Variants in F13A1 observed in about 807,000 individuals in gnomAD.
The protein encoded by F13A1 is FSF, A subunit.
A neutral mutation model predicts 80.1 loss-of-function variants in F13A1; 47 were observed. The observed-to-expected ratio is 0.59, with a 90% CI of 0.46 to 0.75. The LOEUF (loss-of-function observed/expected upper bound fraction) is 0.75, where lower values mean the gene tolerates loss of function less well. Ranked by LOEUF, F13A1 falls within the 30% of genes least tolerant of loss-of-function variation. The pLI is 0.00. For synonymous variants in F13A1, 349 were observed against 344.9 expected (o/e 1.01, Z -0.13); for missense variants, 817 against 930.4 (o/e 0.88, Z 1.59).
intron 11 of F13A1, among the ~76,000 whole-genome samples, chr6:6,180,280 C>T (rs1760956879): frequency 6.6e-6 from 1 of 152,228 alleles, no homozygotes; most frequent in Admixed American, 6.5e-5. Flanking sequence ...CCCCAACTGC[C>T]GATTCTTGGC....
chr6:6,177,409 A>T (rs974543538), intron 11 of F13A1, among the ~76,000 whole-genome samples: 4 of 152,128 alleles, frequency 2.6e-5, no homozygotes, highest in African/African-American at 9.7e-5. Context: ...TTACTGTGTG[A>T]CATTATCTTC....
chr6:6,168,151 A>C (rs1174615318), intron 12 of F13A1, among the ~76,000 whole-genome samples: 1 of 152,220 alleles, frequency 6.6e-6, no homozygotes, highest in African/African-American at 2.4e-5. Context: ...TTTTCTATTT[A>C]AGAGAAGGAA....
chr6:6,277,712 C>T (rs1359487454), intron 3 of F13A1, among the ~76,000 whole-genome samples: 3 of 152,214 alleles, frequency 2.0e-5, no homozygotes, highest in Non-Finnish European at 4.4e-5. Context: ...CTGCACACTA[C>T]AATGCATTCC....
chr6:6,295,014 G>A (rs1397421618), intron 3 of F13A1, among the ~76,000 whole-genome samples: 11 of 146,306 alleles, frequency 7.5e-5, no homozygotes, highest in Non-Finnish European at 1.3e-4. Context: ...TTGTTCTTGC[G>A]ATAGTTTACT....
At chr6:6,316,078 CATATATATATATATATATATATATATAT>C (rs57716665) in intron 2 of F13A1, among the ~76,000 whole-genome samples, 973 of 34,938 alleles carry the variant, frequency 0.028, 39 homozygotes, top group Non-Finnish European at 0.032. Context: ...TGTGTGTGTG[CATATATATATATATATATATATATATAT>C]ATATATATAT....
intron 14 of F13A1, among the ~76,000 whole-genome samples, chr6:6,149,416 C>T (rs1760335512): frequency 6.6e-6 from 1 of 152,220 alleles, no homozygotes; most frequent in Non-Finnish European, 1.5e-5. Context: ...GGTCCTCACA[C>T]ATTCATTTGT....
At chr6:6,302,236 T>A (rs1476941585) in intron 3 of F13A1, among the ~76,000 whole-genome samples, 1 of 151,846 alleles carries the variant, frequency 6.6e-6, no homozygotes, top group African/African-American at 2.4e-5. Flanking sequence ...ACTTCCCTCA[T>A]AATTGCAGCA....
chr6:6,318,534 C>T lies in F13A1; in HGVS notation c.130+1G>A, dbSNP rs1758720297. ...GGTGGGGAAGGGGGGTATGCTCATA[C>T]CTTGCAGGTTGACGCCCCGGGGCAC... On this transcript the variant is annotated splice_donor_variant, in intron 2 of 14. Coordinates refer to ENST00000264870, the MANE Select transcript of F13A1 (RefSeq NM_000129.4). LOFTEE classifies it high-confidence loss of function. 5.0e-6 allele frequency: 8 copies of T among 1,612,998 alleles called. No individual in the cohort carries two copies. In the South Asian group the frequency reaches 7.7e-5, roughly 16 times the overall value.
At position 6,281,824 on chromosome 6, in the gene F13A1, T is replaced by A. The variant is rs147358923; in HGVS notation, c.320-15015A>T. ...CTGGCGAACTTGGTGAAACCCCGCC[T>A]CTACTAAAAATACAATAAATTAGCC... is the stretch of plus-strand genomic sequence containing the variant. On this transcript the variant is annotated intron_variant, in intron 3 of 14. Coordinates refer to ENST00000264870, the MANE Select transcript of F13A1 (RefSeq NM_000129.4). Among the ~76,000 whole-genome samples the A allele has an allele frequency of 7.0e-3, 1,069 of 151,850 alleles. 15 individuals carry two copies. Among genetic ancestry groups the A allele is most frequent in the African/African-American group, 0.024 (984 of 41,414 alleles).
intron 3 of F13A1, among the ~76,000 whole-genome samples, chr6:6,291,648 G>T (rs776124234): frequency 7.2e-5 from 11 of 152,084 alleles, no homozygotes; most frequent in Admixed American, 5.2e-4. Context: ...CACAACTCTC[G>T]TGGATTGAGT....
intron 3 of F13A1, among the ~76,000 whole-genome samples, chr6:6,302,314 G>C (rs1172889368): frequency 6.6e-6 from 1 of 152,162 alleles, no homozygotes; most frequent in Non-Finnish European, 1.5e-5. Flanking sequence ...TTGTTAGGCA[G>C]GTGATTTTGT....
chr6:6,150,358 T>C (rs1439827931), intron 14 of F13A1, among the ~76,000 whole-genome samples: 1 of 152,190 alleles, frequency 6.6e-6, no homozygotes, highest in East Asian at 1.9e-4. Flanking sequence ...CTAATTTACT[T>C]ATTTTTTTTT....
chr6:6,177,141 T>C (rs1052162983), intron 11 of F13A1, among the ~76,000 whole-genome samples: 2 of 152,164 alleles, frequency 1.3e-5, no homozygotes, highest in Non-Finnish European at 2.9e-5. Flanking sequence ...GAGAGACATA[T>C]CCAAAGCCAG....
At chr6:6,241,652 C>G (rs1383028325) in intron 6 of F13A1, among the ~76,000 whole-genome samples, 1 of 152,132 alleles carries the variant, frequency 6.6e-6, no homozygotes, top group Non-Finnish European at 1.5e-5. Context: ...GAGGTTTAAG[C>G]TGCTTTATAA....
chr6:6,190,482 T>C (rs35065604), intron 10 of F13A1, among the ~76,000 whole-genome samples: 13,267 of 131,634 alleles, frequency 0.1, 1,105 homozygotes, highest in Middle Eastern at 0.2. Flanking sequence ...AATACCCTGC[T>C]GTGTAAGGTG....
intron 3 of F13A1, among the ~76,000 whole-genome samples, chr6:6,293,703 GAAA>G (rs1758265874): frequency 6.8e-6 from 1 of 147,136 alleles, no homozygotes; most frequent in African/African-American, 2.5e-5. Flanking sequence ...TAAATATTTA[GAAA>G]GAAAGAAGGA....
At chr6:6,319,701 G>A (rs1279865555) in intron 1 of F13A1, among the ~76,000 whole-genome samples, 15 of 152,140 alleles carry the variant, frequency 9.9e-5, no homozygotes, top group Admixed American at 9.2e-4. Flanking sequence ...CATTATAGAG[G>A]CCACCAGAGT....
chr6:6,277,932 A>G (rs1758010558), intron 3 of F13A1, among the ~76,000 whole-genome samples: 1 of 152,220 alleles, frequency 6.6e-6, no homozygotes, highest in South Asian at 2.1e-4. Context: ...TTCCTGTTCC[A>G]TCTTCCTTTC....
intron 2 of F13A1, among the ~76,000 whole-genome samples, chr6:6,311,681 A>G (rs753468194): frequency 0.01 from 488 of 47,742 alleles, 1 homozygote; most frequent in Middle Eastern, 0.034. Flanking sequence ...TATATATTAC[A>G]TATGTTTATA....
Sources: gnomAD v4.1 joint callset for allele counts (sites outside exome capture counted in the v4.1 genomes callset) on GRCh38, gnomAD v4.1.1 for gene constraint, MANE v1.5 for transcripts, NCBI Gene and HGNC (gene_info 2026-07-23, HGNC 2026-07-21) for gene names.